DLC1: variants seen among roughly 807,000 people sequenced by gnomAD.
DLC1 encodes the protein rho GTPase-activating protein 7.
A neutral mutation model predicts 140.3 loss-of-function variants in DLC1; 54 were observed. The observed-to-expected ratio is 0.38, with a 90% CI of 0.31 to 0.48. DLC1 has a LOEUF of 0.48. Ranked by LOEUF, DLC1 falls within the 20% of genes least tolerant of loss-of-function variation. The pLI is 0.96. For missense variants in DLC1, 2,536 were observed against 1,907.0 expected (o/e 1.33, Z -6.14); for synonymous variants, 986 against 728.1 (o/e 1.35, Z -5.70).
At chr8:13,579,253 T>C (rs1225906685) in intron 1 of DLC1, among the ~76,000 whole-genome samples, 3 of 107,070 alleles carry the variant, frequency 2.8e-5, no homozygotes, top group Non-Finnish European at 3.7e-5. Context: ...AGCATATATA[T>C]ATATATATAT....
intron 5 of DLC1, among the ~76,000 whole-genome samples, chr8:13,181,505 G>T (rs1274076921): frequency 9.9e-6 from 1 of 100,572 alleles, no homozygotes; most frequent in Non-Finnish European, 1.9e-5. Flanking sequence ...CCCCATGTCC[G>T]GTCCCGGTGT....
chr8:13,231,248 C>T (rs1212879145), intron 5 of DLC1, among the ~76,000 whole-genome samples: 3 of 151,782 alleles, frequency 2.0e-5, no homozygotes, highest in Non-Finnish European at 4.4e-5. Flanking sequence ...GCGGGATTTT[C>T]ATTCTTCTTA....
chr8:13,123,156 G>C (rs1427764887), intron 5 of DLC1, among the ~76,000 whole-genome samples: 2 of 152,148 alleles, frequency 1.3e-5, no homozygotes, highest in African/African-American at 2.4e-5. Context: ...CCACGTGTTT[G>C]TTAAGCCCGA....
chr8:13,238,345 C>G (rs1338364192), intron 5 of DLC1, among the ~76,000 whole-genome samples: 1 of 152,014 alleles, frequency 6.6e-6, no homozygotes, highest in Non-Finnish European at 1.5e-5. Context: ...AATCCCGTCT[C>G]TACAAATAAA....
chr8:13,380,893 A>G (rs1248320894), intron 4 of DLC1, among the ~76,000 whole-genome samples: 1 of 152,210 alleles, frequency 6.6e-6, no homozygotes, highest in African/African-American at 2.4e-5. Context: ...AGATTCTTGC[A>G]CGATTTGGGA....
At position 13,436,597 on chromosome 8, in the gene DLC1, T is replaced by C. The variant is rs75481108; in HGVS notation, c.1024-34978A>G. Among the ~76,000 whole-genome samples, 43 of 152,298 alleles carry C rather than the reference T, an allele frequency of 2.8e-4. No individual in the cohort carries two copies. In the East Asian group the frequency reaches 7.7e-3, roughly 27 times the overall value. On this transcript the variant is annotated intron_variant, in intron 2 of 17. Coordinates refer to ENST00000276297, the MANE Select transcript of DLC1 (RefSeq NM_182643.3). ...CTGTAGGAGTAACTAAAACAGTTTT[T>C]TATTTTTTTAAGCAGCATTTTAACA... is the stretch of plus-strand genomic sequence containing the variant.
chr8:13,114,515 C>A (rs1305475182), intron 6 of DLC1, among the ~76,000 whole-genome samples: 1 of 152,050 alleles, frequency 6.6e-6, no homozygotes, highest in Non-Finnish European at 1.5e-5. Context: ...GAATTCAGCA[C>A]AGATCCTATT....
At chr8:13,335,137 G>A (rs1427047590) in intron 4 of DLC1, among the ~76,000 whole-genome samples, 1 of 152,128 alleles carries the variant, frequency 6.6e-6, no homozygotes, top group Non-Finnish European at 1.5e-5. Context: ...ATGGGGGCAG[G>A]ATGAGATCTT....
At chr8:13,245,994 G>A (rs919850507) in intron 5 of DLC1, among the ~76,000 whole-genome samples, 7 of 152,126 alleles carry the variant, frequency 4.6e-5, no homozygotes, top group Non-Finnish European at 5.9e-5. Context: ...TAGACACCAT[G>A]CCCAGCCACA....
intron 2 of DLC1, among the ~76,000 whole-genome samples, chr8:13,412,292 A>G (rs748960780): frequency 5.3e-5 from 8 of 152,216 alleles, no homozygotes; most frequent in South Asian, 2.1e-4. Flanking sequence ...CTCAAGTTTG[A>G]CAATATTTTG....
intron 5 of DLC1, among the ~76,000 whole-genome samples, chr8:13,277,959 A>G (rs1831233518): frequency 6.6e-6 from 1 of 152,228 alleles, no homozygotes; most frequent in African/African-American, 2.4e-5. Context: ...TATCTTTAAC[A>G]ACTTAATTAT....
At position 13,500,145 on chromosome 8, in the gene DLC1, T is replaced by G; in HGVS notation, c.-74A>C. ...AAAGGAGATGGAACTTGATGAAAGA[T>G]TATTTCAAAATCACCAATCAAAGAA... On this transcript the variant is annotated 5_prime_UTR_variant, in exon 2 of 18. Coordinates refer to ENST00000276297, the MANE Select transcript of DLC1 (RefSeq NM_182643.3). The G allele has an allele frequency of 7.5e-7, 1 of 1,331,530 alleles. No homozygotes were observed. The highest frequency in any genetic ancestry group is 1.0e-6 in the Non-Finnish European group (1 of 972,516). 82.5% of individuals were successfully genotyped at this position (1,331,530 alleles called of 1,614,324 possible). A position where few individuals can be genotyped will look rare whatever the true frequency, so the allele number is the denominator to read the frequency against.
intron 2 of DLC1, among the ~76,000 whole-genome samples, chr8:13,490,484 A>G (rs925058024): frequency 6.6e-6 from 1 of 152,150 alleles, no homozygotes; most frequent in Non-Finnish European, 1.5e-5. Flanking sequence ...AGCCAGAAAA[A>G]CAGATCCTGT....
chr8:13,403,815 T>TG (rs1489231756), intron 2 of DLC1, among the ~76,000 whole-genome samples: 3 of 148,782 alleles, frequency 2.0e-5, no homozygotes, highest in South Asian at 4.3e-4. Flanking sequence ...CTGTTTTTTT[T>TG]TTTTTTTTTT....
chr8:13,276,734 T>C (rs1339932330), intron 5 of DLC1: 1 of 445,086 alleles, frequency 2.2e-6, no homozygotes, highest in Non-Finnish European at 3.1e-6. Context: ...ACATAGCAGG[T>C]CTTCCCTTCA....
At chr8:13,466,685 C>A (rs34253720) in intron 2 of DLC1, among the ~76,000 whole-genome samples, 68,711 of 151,984 alleles carry the variant, frequency 0.45, 16,311 homozygotes, top group East Asian at 0.62. Flanking sequence ...AGAGAAACTA[C>A]GACACAAAAT....
chr8:13,136,749 G>T (rs930126680), intron 5 of DLC1, among the ~76,000 whole-genome samples: 2 of 152,150 alleles, frequency 1.3e-5, no homozygotes, highest in Non-Finnish European at 2.9e-5. Context: ...TGCTCAGGCT[G>T]CTCTTGAACT....
intron 2 of DLC1, among the ~76,000 whole-genome samples, chr8:13,452,108 TA>T: frequency 6.6e-6 from 1 of 152,118 alleles, no homozygotes; most frequent in East Asian, 1.9e-4. Flanking sequence ...TAAAATCTTA[TA>T]TAAAAGATGC....
chr8:13,101,912 T>C (rs1029194419), intron 8 of DLC1, among the ~76,000 whole-genome samples: 12 of 152,200 alleles, frequency 7.9e-5, no homozygotes, highest in Admixed American at 5.9e-4. Context: ...GTATGATACA[T>C]GTCTTTTCCA....
Sources: gnomAD v4.1 joint callset for allele counts (sites outside exome capture counted in the v4.1 genomes callset) on GRCh38, gnomAD v4.1.1 for gene constraint, MANE v1.5 for transcripts, NCBI Gene and HGNC (gene_info 2026-07-23, HGNC 2026-07-21) for gene names.